Variants in ELMO1 observed in about 807,000 individuals in gnomAD.
ELMO1 encodes the protein engulfment and cell motility 1.
In ELMO1, 26 loss-of-function variants were observed where a neutral mutation model predicts 98.9. The observed-to-expected ratio is 0.26, with a 90% CI of 0.19 to 0.36. The LOEUF (loss-of-function observed/expected upper bound fraction) is 0.36. Among genes scored for constraint, ELMO1 ranks in the 10% least tolerant of loss-of-function variants. The pLI is 1.00. For missense variants in ELMO1, 627 were observed against 935.2 expected (o/e 0.67, Z 4.30); for synonymous variants, 346 against 346.0 (o/e 1.00, Z 0.00).
chr7:37,345,796 T>C (rs1194294063), intron 1 of ELMO1, among the ~76,000 whole-genome samples: 3 of 151,964 alleles, frequency 2.0e-5, no homozygotes, highest in South Asian at 2.1e-4. Context: ...GAGACCATCC[T>C]GGCTAACGCC....
At chr7:37,235,326 G>A (rs1427418684) in intron 7 of ELMO1, among the ~76,000 whole-genome samples, 2 of 152,208 alleles carry the variant, frequency 1.3e-5, no homozygotes, top group Middle Eastern at 3.2e-3. Flanking sequence ...TTTATTAATA[G>A]ACTGGGTAGG....
intron 13 of ELMO1, among the ~76,000 whole-genome samples, chr7:37,192,619 G>A (rs1024007389): frequency 5.3e-5 from 8 of 151,056 alleles, no homozygotes; most frequent in Non-Finnish European, 1.0e-4. Context: ...GCAACATGGA[G>A]AAGCCCCATC....
intron 10 of ELMO1, among the ~76,000 whole-genome samples, chr7:37,218,097 T>G (rs112519147): frequency 3.2e-4 from 48 of 152,324 alleles, no homozygotes; most frequent in African/African-American, 1.1e-3. Flanking sequence ...TGGTGGTGGT[T>G]TTTTTGTTTC....
chr7:37,160,581 T>A (rs1789130289), intron 13 of ELMO1, among the ~76,000 whole-genome samples: 1 of 152,166 alleles, frequency 6.6e-6, no homozygotes. Flanking sequence ...AAAGCTGCCA[T>A]AGGTACTGCT....
chr7:37,220,250 A>T (rs914441755), intron 10 of ELMO1, among the ~76,000 whole-genome samples: 2 of 152,226 alleles, frequency 1.3e-5, no homozygotes, highest in Non-Finnish European at 2.9e-5. Flanking sequence ...TTTGATGAAC[A>T]ACATTCTTAA....
chr7:37,001,742 C>T (rs531033868), intron 16 of ELMO1, among the ~76,000 whole-genome samples: 3 of 152,172 alleles, frequency 2.0e-5, no homozygotes, highest in Admixed American at 2.0e-4. Context: ...TGCAATTGCA[C>T]GTACAAGAGC....
chr7:37,207,846 A>G (rs551403270), intron 13 of ELMO1, among the ~76,000 whole-genome samples: 82 of 152,302 alleles, frequency 5.4e-4, no homozygotes, highest in African/African-American at 1.9e-3. Flanking sequence ...ACCAAAAACA[A>G]ACAAACAAAC....
At chr7:37,046,623 C>T (rs972538862) in intron 15 of ELMO1, among the ~76,000 whole-genome samples, 1 of 152,104 alleles carries the variant, frequency 6.6e-6, no homozygotes, top group African/African-American at 2.4e-5. Context: ...AAAAAGAAAT[C>T]AAAGTATGAG....
intron 16 of ELMO1, among the ~76,000 whole-genome samples, chr7:36,991,251 T>TAC (rs1231614730): frequency 6.6e-6 from 1 of 152,176 alleles, no homozygotes; most frequent in African/African-American, 2.4e-5. Context: ...AATGCCCTCA[T>TAC]ACACACACGT....
chr7:37,172,480 C>T (rs1790232808), intron 13 of ELMO1, among the ~76,000 whole-genome samples: 1 of 152,194 alleles, frequency 6.6e-6, no homozygotes, highest in African/African-American at 2.4e-5. Flanking sequence ...TTCCTCCCTG[C>T]ATTCCTATCC....
chr7:36,929,218 G>T (rs555370719), intron 16 of ELMO1, among the ~76,000 whole-genome samples: 27 of 152,222 alleles, frequency 1.8e-4, no homozygotes, highest in African/African-American at 6.0e-4. Flanking sequence ...GATGTCCAGG[G>T]GCTGGCCGCA....
intron 1 of ELMO1, among the ~76,000 whole-genome samples, chr7:37,345,610 G>A (rs2131273700): frequency 6.6e-6 from 1 of 151,996 alleles, no homozygotes; most frequent in Admixed American, 6.6e-5. Context: ...GGGAGGCTGT[G>A]ACAAGAGAAT....
At chr7:37,295,827 GAAT>G (rs947687847) in intron 4 of ELMO1, among the ~76,000 whole-genome samples, 1 of 152,082 alleles carries the variant, frequency 6.6e-6, no homozygotes, top group African/African-American at 2.4e-5. Context: ...TAATAGGCAG[GAAT>G]AATAAGACTT....
At chr7:37,242,608 A>G (rs1794816211) in intron 7 of ELMO1, among the ~76,000 whole-genome samples, 1 of 152,230 alleles carries the variant, frequency 6.6e-6, no homozygotes, top group Non-Finnish European at 1.5e-5. Context: ...TCTAGCAGGA[A>G]GTAAAAATCT....
intron 16 of ELMO1, among the ~76,000 whole-genome samples, chr7:36,950,865 C>T (rs553042083): frequency 6.6e-6 from 1 of 152,114 alleles, no homozygotes; most frequent in Non-Finnish European, 1.5e-5. Context: ...CACCATGTTA[C>T]GGAGTGTCTG....
Position 37,163,396 on chromosome 7 carries a change from GGTTA to G in ELMO1, c.1087-30166_1087-30163del, listed in dbSNP as rs565729172. ...TTAGGGTACATGTGCACAATGTGCAGGTTAGTTACATATGTATACATGTGCCATG... is the reference window on the plus strand; with the variant it reads ...TTAGGGTACATGTGCACAATGTGCAGGTTACATATGTATACATGTGCCATG... On this transcript the variant is annotated intron_variant, in intron 13 of 21. Coordinates refer to ENST00000310758, the MANE Select transcript of ELMO1 (RefSeq NM_014800.11). 1.7e-3 allele frequency among the ~76,000 whole-genome samples: 255 copies of G among 151,814 alleles called. 2 individuals carry two copies. The highest frequency in any genetic ancestry group is 5.6e-3 in the African/African-American group (232 of 41,360).
At position 36,855,988 on chromosome 7, in the gene ELMO1, T is replaced by C. The variant is rs1194041881; in HGVS notation, c.1984-237A>G. On this transcript the variant is annotated intron_variant, in intron 21 of 21. Transcript: ENST00000310758. This position sits in a 1 kb window ranked among gnomAD's most constrained non-coding sequence, Gnocchi z 4.2. Reference sequence around the variant, plus strand: ...GTGACTCAGTATTATGTAGACCGGGTGGGATTTGAACCCAGGCAATCTGAC... The same window carrying C: ...GTGACTCAGTATTATGTAGACCGGGCGGGATTTGAACCCAGGCAATCTGAC... Among the ~76,000 whole-genome samples, 1 of 152,132 alleles carries C rather than the reference T, an allele frequency of 6.6e-6. No homozygotes were observed. The highest frequency in any genetic ancestry group is 2.4e-5 in the African/African-American group (1 of 41,420).
intron 2 of ELMO1, among the ~76,000 whole-genome samples, chr7:37,325,721 T>C (rs1288015136): frequency 1.3e-5 from 2 of 152,238 alleles, no homozygotes; most frequent in Non-Finnish European, 1.5e-5. Context: ...CTTTTATAGA[T>C]AGAAATTCAT....
At position 36,967,183 on chromosome 7, in the gene ELMO1, G is replaced by A. The variant is rs1417915558; in HGVS notation, c.1437+46116C>T. 3.3e-5 allele frequency among the ~76,000 whole-genome samples: 5 copies of A among 152,068 alleles called. No homozygotes were observed. The East Asian group carries it at 9.6e-4, about 29-fold the overall frequency. On this transcript the variant is annotated intron_variant, in intron 16 of 21. Transcript: ENST00000310758. The stretch of plus-strand genomic sequence containing the variant: ...CTATTGCCTCTTCTCTAAAATATAA[G>A]AAATACATGCTCTAGGCCAATCGAT...
Sources: allele counts gnomAD v4.1 joint callset (sites outside exome capture counted in the v4.1 genomes callset), GRCh38; gene constraint gnomAD v4.1.1; non-coding constraint Gnocchi (gnomAD v3.1); transcripts MANE v1.5; gene names NCBI Gene and HGNC (gene_info 2026-07-23, HGNC 2026-07-21).